MLLT3: variants seen among roughly 807,000 people sequenced by gnomAD.
MLLT3 encodes MLLT3 super elongation complex subunit.
A neutral mutation model predicts 53.2 loss-of-function variants in MLLT3; 4 were observed. The ratio of observed to expected loss-of-function variants is 0.08; its 90% CI spans 0.04 to 0.17. The LOEUF is 0.17. Among genes scored for constraint, MLLT3 ranks in the 10% least tolerant of loss-of-function variants. The pLI, the probability that MLLT3 is intolerant of heterozygous loss-of-function variation, is 1.00. For synonymous variants in MLLT3, 283 were observed against 230.6 expected, an observed-to-expected ratio of 1.23 and a Z score of -2.06; for missense variants, 569 against 684.0, an observed-to-expected ratio of 0.83 and a Z score of 1.87.
chr9:20,539,066 C>A (rs980113831), intron 2 of MLLT3, among the ~76,000 whole-genome samples: 2 of 152,168 alleles, frequency 1.3e-5, no homozygotes, highest in African/African-American at 4.8e-5. Flanking sequence ...TGATTGCTAC[C>A]AACTGATCAG....
intron 2 of MLLT3, among the ~76,000 whole-genome samples, chr9:20,478,392 C>T (rs1824578319): frequency 6.6e-6 from 1 of 152,062 alleles, no homozygotes; most frequent in African/African-American, 2.4e-5. Context: ...TAAAACAATA[C>T]CTGGCACAGA....
At chr9:20,394,586 AC>A (rs1437236310) in intron 5 of MLLT3, among the ~76,000 whole-genome samples, 5 of 152,110 alleles carry the variant, frequency 3.3e-5, no homozygotes, top group Admixed American at 3.3e-4. Context: ...GTACAACTTT[AC>A]TATCTGGAGG....
intron 5 of MLLT3, among the ~76,000 whole-genome samples, chr9:20,383,260 G>A (rs141778379): frequency 3.3e-5 from 5 of 151,950 alleles, no homozygotes; most frequent in East Asian, 3.9e-4. Context: ...TGGGGGGTAC[G>A]TTATTTTAAA....
chr9:20,486,411 TATAAC>T (rs1824814271), intron 2 of MLLT3, among the ~76,000 whole-genome samples: 1 of 152,070 alleles, frequency 6.6e-6, no homozygotes, highest in African/African-American at 2.4e-5. Context: ...AATAAAAAGA[TATAAC>T]ATGATCTTAG....
At chr9:20,506,535 A>C (rs1331816711) in intron 2 of MLLT3, among the ~76,000 whole-genome samples, 1 of 152,166 alleles carries the variant, frequency 6.6e-6, no homozygotes, top group Non-Finnish European at 1.5e-5. Context: ...ACATGCTGTT[A>C]GTATAAGGAT....
chr9:20,618,408 G>A (rs779827176), intron 2 of MLLT3, among the ~76,000 whole-genome samples: 3 of 152,150 alleles, frequency 2.0e-5, no homozygotes, highest in Non-Finnish European at 4.4e-5. Context: ...TATTCCCAAT[G>A]AACAGAGAAA....
At chr9:20,593,337 A>T (rs1439949699) in intron 2 of MLLT3, among the ~76,000 whole-genome samples, 1 of 152,172 alleles carries the variant, frequency 6.6e-6, no homozygotes, top group Non-Finnish European at 1.5e-5. Context: ...AGAGGAGAGG[A>T]ATGTACACAA....
intron 2 of MLLT3, among the ~76,000 whole-genome samples, chr9:20,487,311 G>C (rs1824837906): frequency 6.6e-6 from 1 of 152,054 alleles, no homozygotes; most frequent in African/African-American, 2.4e-5. Flanking sequence ...AACTATCCAA[G>C]GCTAAAATCT....
intron 2 of MLLT3, among the ~76,000 whole-genome samples, chr9:20,548,899 G>A (rs1014502978): frequency 8.6e-5 from 13 of 150,608 alleles, no homozygotes; most frequent in African/African-American, 2.5e-4. Flanking sequence ...CTGCATCCTC[G>A]ACCTCCCCCG....
At chr9:20,521,876 G>A (rs954650545) in intron 2 of MLLT3, among the ~76,000 whole-genome samples, 3 of 152,106 alleles carry the variant, frequency 2.0e-5, no homozygotes, top group Non-Finnish European at 2.9e-5. Flanking sequence ...ATGCAGCTTA[G>A]TATTCAAGGT....
At chr9:20,398,695 G>C (rs1279409365) in intron 5 of MLLT3, among the ~76,000 whole-genome samples, 1 of 152,096 alleles carries the variant, frequency 6.6e-6, no homozygotes, top group African/African-American at 2.4e-5. Context: ...ATAGGAAATA[G>C]GGAGGCAGAA....
At chr9:20,519,401 T>G (rs1216045478) in intron 2 of MLLT3, among the ~76,000 whole-genome samples, 1 of 152,222 alleles carries the variant, frequency 6.6e-6, no homozygotes, top group Admixed American at 6.5e-5. Context: ...AGTTTTTTAT[T>G]TATATGTCAT....
Position 20,414,300 on chromosome 9 carries a change from A to ACTGCTGCTGCTGCTGCTGCTGCTGCTG in MLLT3, c.545_546insCAGCAGCAGCAGCAGCAGCAGCAGCAG (p.Ser182_Ser190dup), listed in dbSNP as rs1563956655. 6 of 1,595,778 alleles carry ACTGCTGCTGCTGCTGCTGCTGCTGCTG rather than the reference A, an allele frequency of 3.8e-6. No homozygotes were observed. Among genetic ancestry groups the ACTGCTGCTGCTGCTGCTGCTGCTGCTG allele is most frequent in the South Asian group, 1.1e-5 (1 of 90,430 alleles). On this transcript the variant is annotated inframe_insertion, in exon 5 of 11. Transcript: ENST00000380338. ...TACTACTGCTGCTGCTGCTGCTGCT[A>ACTGCTGCTGCTGCTGCTGCTGCTGCTG]CTGCTGCTGCTACTGCTGCTGCTGC...
At chr9:20,479,400 C>CT (rs1222926899) in intron 2 of MLLT3, among the ~76,000 whole-genome samples, 4 of 151,946 alleles carry the variant, frequency 2.6e-5, no homozygotes, top group South Asian at 2.1e-4. Flanking sequence ...TAGAGCAACC[C>CT]TTTTTTTTCT....
chr9:20,408,870 GT>G (rs957551338), intron 5 of MLLT3, among the ~76,000 whole-genome samples: 4 of 149,816 alleles, frequency 2.7e-5, no homozygotes, highest in African/African-American at 7.3e-5. Context: ...AAGAAGGGAA[GT>G]TTTTTTTTTC....
intron 2 of MLLT3, among the ~76,000 whole-genome samples, chr9:20,583,002 T>C (rs1819840583): frequency 6.6e-6 from 1 of 151,984 alleles, no homozygotes. Flanking sequence ...AACCCAAAAG[T>C]CCACAGTCCA....
chr9:20,427,009 A>G (rs1823154928), intron 4 of MLLT3, among the ~76,000 whole-genome samples: 1 of 152,108 alleles, frequency 6.6e-6, no homozygotes, highest in Non-Finnish European at 1.5e-5. Context: ...AAGCCTTTAC[A>G]AATCTGCTGT....
Position 20,354,841 on chromosome 9 carries a change from T to C in MLLT3, c.1470A>G (p.Ser490=). Reference sequence around the variant, plus strand: ...ATTCACCATTCTTTATTTGCTTATCTGATTTGCTTTGCTTTATTGGACTTT... The same window carrying C: ...ATTCACCATTCTTTATTTGCTTATCCGATTTGCTTTGCTTTATTGGACTTT... ...EVKSPIKQSK[S]DKQIKNGECD... Residue 490 remains serine, a synonymous_variant, in exon 9 of 11, where the codon TCA becomes TCG. Transcript: ENST00000380338. 6.2e-7 allele frequency: 1 copy of C among 1,613,038 alleles called. No homozygotes were observed. The highest frequency in any genetic ancestry group is 8.5e-7 in the Non-Finnish European group (1 of 1,179,164).
chr9:20,402,494 G>A (rs1426988094), intron 5 of MLLT3, among the ~76,000 whole-genome samples: 1 of 152,164 alleles, frequency 6.6e-6, no homozygotes. Flanking sequence ...AGGGTGGAAC[G>A]GAGGAGGATC....
Sources: gnomAD v4.1 joint callset for allele counts (sites outside exome capture counted in the v4.1 genomes callset) on GRCh38, gnomAD v4.1.1 for gene constraint, MANE v1.5 for transcripts, NCBI Gene and HGNC (gene_info 2026-07-23, HGNC 2026-07-21) for gene names.